The following NAV2 variants were observed in gnomAD, a reference collection of about 807,000 sequenced individuals.
The protein encoded by NAV2 is helicase, APC down-regulated 1.
In NAV2, 54 loss-of-function variants were observed where a neutral mutation model predicts 223.2. The ratio of observed to expected loss-of-function variants is 0.24; its 90% CI spans 0.19 to 0.30. The LOEUF (loss-of-function observed/expected upper bound fraction) is 0.30, where lower values mean the gene tolerates loss of function less well. Ranked by LOEUF, NAV2 falls within the 10% of genes least tolerant of loss-of-function variation. The pLI, the probability that NAV2 is intolerant of heterozygous loss-of-function variation, is 1.00. For missense variants in NAV2, 2,806 were observed against 3,147.5 expected (o/e 0.89, Z 2.60); for synonymous variants, 1,279 against 1,239.3 (o/e 1.03, Z -0.67).
intron 12 of NAV2, 65 bp downstream of exon 12, chr11:20,036,162 T>C: frequency 6.2e-7 from 1 of 1,603,242 alleles, no homozygotes; most frequent in Non-Finnish European, 8.5e-7. Context: ...CTTGGGCTTG[T>C]GGGGTAAGAG....
intron 1 of NAV2, among the ~76,000 whole-genome samples, chr11:19,718,060 C>T (rs1165349991): frequency 6.6e-6 from 1 of 150,530 alleles, no homozygotes; most frequent in Non-Finnish European, 1.5e-5. Context: ...CCCACCCCCA[C>T]CCTTCCCAGT....
At chr11:19,923,363 T>A (rs1271629298) in intron 6 of NAV2, among the ~76,000 whole-genome samples, 1 of 151,742 alleles carries the variant, frequency 6.6e-6, no homozygotes, top group African/African-American at 2.4e-5. Context: ...AATAGGCACA[T>A]TAAAGGTTCT....
intron 11 of NAV2, among the ~76,000 whole-genome samples, chr11:20,014,827 G>A (rs986665547): frequency 5.3e-5 from 8 of 152,072 alleles, no homozygotes; most frequent in South Asian, 2.1e-4. Flanking sequence ...ACTTGAACCC[G>A]GGAGGCAGAG....
intron 1 of NAV2, among the ~76,000 whole-genome samples, chr11:19,486,877 T>G (rs1262188406): frequency 6.6e-6 from 1 of 152,172 alleles, no homozygotes; most frequent in Non-Finnish European, 1.5e-5. Context: ...CTTCTATCCA[T>G]TGGAACACCT....
upstream of NAV2, among the ~76,000 whole-genome samples, chr11:19,350,198 C>G (rs1020827673): frequency 1.3e-5 from 2 of 152,066 alleles, no homozygotes; most frequent in African/African-American, 4.8e-5. Flanking sequence ...GTGGGGAGCC[C>G]GTGAGGCCCC....
intron 1 of NAV2, among the ~76,000 whole-genome samples, chr11:19,477,056 C>CGGG (rs2042139629): frequency 2.6e-5 from 4 of 152,184 alleles, no homozygotes; most frequent in Non-Finnish European, 4.4e-5. Flanking sequence ...CCTTTGCCCC[C>CGGG]ACACCTGGTC....
chr11:19,473,407 T>A (rs1448115602), intron 1 of NAV2, among the ~76,000 whole-genome samples: 2 of 152,122 alleles, frequency 1.3e-5, no homozygotes, highest in Non-Finnish European at 2.9e-5. Context: ...TAAAAGTGCA[T>A]ATCCAATGAC....
At chr11:19,461,522 T>A (rs564588293) in intron 1 of NAV2, among the ~76,000 whole-genome samples, 2 of 152,256 alleles carry the variant, frequency 1.3e-5, no homozygotes, top group Middle Eastern at 3.4e-3. Flanking sequence ...TTAATAAGGA[T>A]GATGATGATG....
At chr11:19,457,253 T>C (rs1851988043) in intron 1 of NAV2, among the ~76,000 whole-genome samples, 1 of 152,126 alleles carries the variant, frequency 6.6e-6, no homozygotes, top group African/African-American at 2.4e-5. Flanking sequence ...GAAATCAAAA[T>C]AGAGTAATGT....
chr11:19,991,283 A>G (rs1285373656), intron 11 of NAV2, among the ~76,000 whole-genome samples: 1 of 151,868 alleles, frequency 6.6e-6, no homozygotes, highest in Non-Finnish European at 1.5e-5. Flanking sequence ...ATGCCACTGC[A>G]CCCGGCTAAT....
intron 1 of NAV2, among the ~76,000 whole-genome samples, chr11:19,544,280 T>G (rs1446334516): frequency 6.6e-6 from 1 of 152,230 alleles, no homozygotes; most frequent in Non-Finnish European, 1.5e-5. Context: ...CGAGTTCTTT[T>G]CACTATCAGT....
At chr11:19,575,080 G>C (rs1271215857) in intron 1 of NAV2, among the ~76,000 whole-genome samples, 2 of 152,214 alleles carry the variant, frequency 1.3e-5, no homozygotes, top group African/African-American at 4.8e-5. Flanking sequence ...GCATCTTCAA[G>C]GGTTGGCTGC....
At chr11:19,517,437 C>T (rs959736270) in intron 1 of NAV2, among the ~76,000 whole-genome samples, 3 of 152,154 alleles carry the variant, frequency 2.0e-5, no homozygotes, top group Non-Finnish European at 2.9e-5. Context: ...AACTTTTGGG[C>T]GGATTAAGTA....
rs762656796 is a variant in NAV2, at chr11:20,044,114, A to T, written c.3041A>T (p.Asp1014Val). The change falls in exon 13 of 38, where the codon GAT (aspartate) becomes GTT (valine). Residue 1014 changes from aspartate to valine, a missense_variant. Coordinates refer to ENST00000349880, the MANE Select transcript of NAV2 (RefSeq NM_145117.5). ...PGSKWRRNPS[D>V]VSDESDKSTS... Reference sequence around the variant, plus strand: ...TCCAAGTGGAGGCGGAATCCTTCTGATGTGTCTGACGAGTCCGACAAAAGC... The same window carrying T: ...TCCAAGTGGAGGCGGAATCCTTCTGTTGTGTCTGACGAGTCCGACAAAAGC... The T allele has an allele frequency of 7.4e-6, 12 of 1,614,082 alleles. No homozygotes were observed. The highest frequency in any genetic ancestry group is 9.3e-6 in the Non-Finnish European group (11 of 1,180,034).
At position 19,598,000 on chromosome 11, in the gene NAV2, G is replaced by T. The variant is rs189016756; in HGVS notation, c.76-234484G>T. Among the ~76,000 whole-genome samples the T allele has an allele frequency of 5.3e-5, 8 of 152,374 alleles. No homozygotes were observed. The East Asian group carries it at 1.5e-3, about 29-fold the overall frequency. ...CTCTGCACAGAGAGACCACGGGGCA[G>T]CTGGCCTCCAGTTATGACCCATGCC... is the stretch of plus-strand genomic sequence containing the variant. On this transcript the variant is annotated intron_variant, in intron 1 of 37. Coordinates refer to the NAV2 transcript ENST00000360655.
chr11:19,367,104 G>T (rs1402326042), intron 1 of NAV2, among the ~76,000 whole-genome samples: 1 of 152,108 alleles, frequency 6.6e-6, no homozygotes, highest in Non-Finnish European at 1.5e-5. Context: ...TCTCAATCTG[G>T]GTCATGTGGC....
chr11:19,926,060 G>T (rs1270990075), intron 6 of NAV2, among the ~76,000 whole-genome samples: 3 of 152,046 alleles, frequency 2.0e-5, no homozygotes, highest in Admixed American at 6.5e-5. Flanking sequence ...ATTTTTGGGG[G>T]TCCCTTGAGA....
intron 1 of NAV2, among the ~76,000 whole-genome samples, chr11:19,566,812 A>G (rs184256121): frequency 1.3e-5 from 2 of 152,346 alleles, no homozygotes; most frequent in East Asian, 3.9e-4. Flanking sequence ...CTAGAGGGGC[A>G]TGATAACTGG....
At chr11:19,734,727 A>G (rs1243343945) in intron 1 of NAV2, among the ~76,000 whole-genome samples, 3 of 152,186 alleles carry the variant, frequency 2.0e-5, no homozygotes, top group Non-Finnish European at 4.4e-5. Flanking sequence ...CAGACATACA[A>G]TGGAAAGGGC....
Sources: allele counts gnomAD v4.1 joint callset (sites outside exome capture counted in the v4.1 genomes callset), GRCh38; gene constraint gnomAD v4.1.1; transcripts MANE v1.5; gene names NCBI Gene and HGNC (gene_info 2026-07-23, HGNC 2026-07-21).